CNTN1: variants seen among roughly 807,000 people sequenced by gnomAD.
The protein encoded by CNTN1 is contactin 1.
A neutral mutation model predicts 126.4 loss-of-function variants in CNTN1; 38 were observed. That is an observed-to-expected ratio of 0.30 (90% CI 0.23 to 0.39). CNTN1 has a LOEUF of 0.39. Among genes scored for constraint, CNTN1 ranks in the 10% least tolerant of loss-of-function variants. The pLI is 1.00. For synonymous variants in CNTN1, 413 were observed against 422.6 expected (o/e 0.98, Z 0.28); for missense variants, 1,009 against 1,248.4 (o/e 0.81, Z 2.89).
chr12:40,971,995 T>G (rs770529021), intron 15 of CNTN1: 241 of 1,001,884 alleles, frequency 2.4e-4, no homozygotes, highest in South Asian at 1.6e-3. Flanking sequence ...CAGTCTTTTT[T>G]TCTTAATCCT....
chr12:40,722,661 A>G (rs1055088848), intron 1 of CNTN1, among the ~76,000 whole-genome samples: 4 of 152,126 alleles, frequency 2.6e-5, no homozygotes, highest in African/African-American at 9.7e-5. Flanking sequence ...TATATATTAT[A>G]TATAGTATGG....
chr12:40,943,152 G>C lies in CNTN1; in HGVS notation c.1380-445G>C, dbSNP rs555637107. 2.0e-5 allele frequency among the ~76,000 whole-genome samples: 3 copies of C among 152,198 alleles called. No individual in the cohort carries two copies. The South Asian group carries it at 6.2e-4, about 32-fold the overall frequency. ...ATTTCCTAAATATTAATTTGTTCCA[G>C]AAGTTGTTACTAAGGAGGTTTTAAA... On this transcript the variant is annotated intron_variant, in intron 12 of 23. Coordinates refer to ENST00000551295, the MANE Select transcript of CNTN1 (RefSeq NM_001843.4).
rs552902643 is a variant in CNTN1 at position 40,810,819 on chromosome 12, C to T, written c.-76-97538C>T. Among the ~76,000 whole-genome samples the T allele has an allele frequency of 2.0e-5, 3 of 152,106 alleles. No homozygotes were observed. In the South Asian group the frequency reaches 6.2e-4, roughly 32 times the overall value. ...ATTGCTTGAGGGCAAGAGTTTGAAA[C>T]CAGCTAGGCAACATAGTAAGACCTC... On this transcript the variant is annotated intron_variant, in intron 1 of 23. Transcript: ENST00000551295.
chr12:40,751,476 T>C (rs17539924), intron 1 of CNTN1, among the ~76,000 whole-genome samples: 4,349 of 152,096 alleles, frequency 0.029, 99 homozygotes, highest in Non-Finnish European at 0.046. Flanking sequence ...GGAAATTTTG[T>C]ATCAGGAGAA....
At chr12:40,972,371 T>C (rs1947544580) in intron 15 of CNTN1, 1 of 984,212 alleles carries the variant, frequency 1.0e-6, no homozygotes, top group Admixed American at 6.2e-5. Flanking sequence ...TTTCCCCCTT[T>C]GGTCAAAGAG....
At chr12:40,778,592 A>G (rs569271621) in intron 1 of CNTN1, among the ~76,000 whole-genome samples, 11 of 151,836 alleles carry the variant, frequency 7.2e-5, no homozygotes, top group Non-Finnish European at 1.3e-4. Flanking sequence ...TTGCCTTTCA[A>G]AGTATCTTTT....
chr12:41,019,975 T>A (rs1948871599), intron 19 of CNTN1, among the ~76,000 whole-genome samples: 1 of 152,072 alleles, frequency 6.6e-6, no homozygotes, highest in Non-Finnish European at 1.5e-5. Context: ...CTTAAGCATA[T>A]CAGTTGAGAG....
intron 4 of CNTN1, among the ~76,000 whole-genome samples, chr12:40,922,052 T>G (rs945159698): frequency 6.6e-6 from 1 of 152,236 alleles, no homozygotes; most frequent in Non-Finnish European, 1.5e-5. Flanking sequence ...CTTTGATGTT[T>G]CCTTGTCTGT....
At chr12:41,010,434 A>G (rs1054977820) in intron 17 of CNTN1, among the ~76,000 whole-genome samples, 2 of 152,096 alleles carry the variant, frequency 1.3e-5, no homozygotes, top group African/African-American at 2.4e-5. Context: ...TGGGCTTTGT[A>G]TGTTTGCAGA....
intron 17 of CNTN1, among the ~76,000 whole-genome samples, chr12:40,994,863 G>C (rs1449744703): frequency 6.6e-6 from 1 of 152,012 alleles, no homozygotes; most frequent in Non-Finnish European, 1.5e-5. Context: ...AAATAGATGT[G>C]TTTCTAGAAT....
chr12:40,725,906 T>C (rs1208897774), intron 1 of CNTN1, among the ~76,000 whole-genome samples: 3 of 150,864 alleles, frequency 2.0e-5, no homozygotes, highest in African/African-American at 7.4e-5. Context: ...TTAGTAGGCA[T>C]TCAATTAAAA....
At chr12:40,876,703 T>C (rs902490911) in intron 1 of CNTN1, among the ~76,000 whole-genome samples, 4 of 152,180 alleles carry the variant, frequency 2.6e-5, no homozygotes, top group African/African-American at 9.6e-5. Context: ...TATATGTATA[T>C]ATAATAACTT....
chr12:40,745,686 G>A (rs929049255), intron 1 of CNTN1, among the ~76,000 whole-genome samples: 1 of 152,146 alleles, frequency 6.6e-6, no homozygotes, highest in Non-Finnish European at 1.5e-5. Context: ...CAGGGAAAAG[G>A]CCTGGAAAAG....
At chr12:40,955,066 T>C (rs745917285) in intron 14 of CNTN1, among the ~76,000 whole-genome samples, 21 of 152,054 alleles carry the variant, frequency 1.4e-4, no homozygotes, top group Non-Finnish European at 2.8e-4. Flanking sequence ...GGCCCTTCTC[T>C]AAGACTCTAC....
intron 1 of CNTN1, among the ~76,000 whole-genome samples, chr12:40,830,924 CATATACATATACAT>C (rs1182302568): frequency 5.2e-5 from 2 of 38,210 alleles, no homozygotes; most frequent in African/African-American, 7.5e-5. Context: ...GTGGTAGTTA[CATATACATATACAT>C]ATATATATAT....
At chr12:41,033,837 G>C (rs1235164670) in intron 23 of CNTN1, among the ~76,000 whole-genome samples, 1 of 148,934 alleles carries the variant, frequency 6.7e-6, no homozygotes, top group African/African-American at 2.5e-5. Flanking sequence ...AGGAGATTGA[G>C]AGCATCATGG....
chr12:40,803,882 T>C (rs1395284096), intron 1 of CNTN1, among the ~76,000 whole-genome samples: 4 of 151,772 alleles, frequency 2.6e-5, no homozygotes, highest in African/African-American at 4.8e-5. Context: ...TGAGGGAATA[T>C]AAAGTGCATC....
At chr12:41,017,381 C>CA (rs1178250513) in intron 19 of CNTN1, among the ~76,000 whole-genome samples, 10,819 of 79,222 alleles carry the variant, frequency 0.14, 531 homozygotes, top group Middle Eastern at 0.19. Context: ...GACTCCGTCT[C>CA]AAAAAAAAAA....
At position 40,929,777 on chromosome 12, in the gene CNTN1, A is replaced by T; in HGVS notation, c.497-19A>T. Reference sequence around the variant, plus strand: ...TTGGGAGAAGCACTTAATATTTAGAAGGCAATATTTTCTCCTAGATGATCT... The same window carrying T: ...TTGGGAGAAGCACTTAATATTTAGATGGCAATATTTTCTCCTAGATGATCT... On this transcript the variant is annotated intron_variant, in intron 6 of 23. Transcript: ENST00000551295. 3 of 1,580,144 alleles carry T rather than the reference A, an allele frequency of 1.9e-6. No individual in the cohort carries two copies. Among genetic ancestry groups the T allele is most frequent in the Non-Finnish European group, 2.6e-6 (3 of 1,150,472 alleles).
Sources: gnomAD v4.1 joint callset for allele counts (sites outside exome capture counted in the v4.1 genomes callset) on GRCh38, gnomAD v4.1.1 for gene constraint, MANE v1.5 for transcripts, NCBI Gene and HGNC (gene_info 2026-07-23, HGNC 2026-07-21) for gene names.